Variants in ZIC2 observed in about 807,000 individuals in gnomAD.
ZIC2 encodes the protein Zic family zinc finger 2, also known as zinc finger protein ZIC 2.
In ZIC2, 7 loss-of-function variants were observed where a neutral mutation model predicts 29.5. The observed-to-expected ratio is 0.24, with a 90% confidence interval of 0.14 to 0.45. The LOEUF (loss-of-function observed/expected upper bound fraction) is 0.45, where lower values mean the gene tolerates loss of function less well. Ranked by LOEUF, ZIC2 falls within the 20% of genes least tolerant of loss-of-function variation. ZIC2 has a pLI of 1.00. For missense variants in ZIC2, 589 were observed against 781.2 expected, an observed-to-expected ratio of 0.75 and a Z score of 2.93; for synonymous variants, 408 against 354.2, an observed-to-expected ratio of 1.15 and a Z score of -1.70.
In ZIC2 at chr13:99,984,432, T is replaced by C. The variant is rs534574898; in HGVS notation, c.1076-514T>C. 3 of 197,380 alleles carry C rather than the reference T, an allele frequency of 1.5e-5. No individual in the cohort carries two copies. In the Admixed American group the frequency reaches 1.6e-4, roughly 10 times the overall value. 12.2% of individuals were successfully genotyped at this position (197,380 alleles called of 1,614,324 possible). ...GAGGTGAGACTAGAATTGTGGTTAA[T>C]TCAATTTGCAGAATTTTGGATGAAA... On this transcript the variant is annotated intron_variant, in intron 1 of 2. Transcript: ENST00000376335.
chr13:99,984,464 G>T (rs763924321), intron 1 of ZIC2: 3 of 206,718 alleles, frequency 1.5e-5, no homozygotes, highest in Non-Finnish European at 3.0e-5. Flanking sequence ...GAAAAATACT[G>T]GCTCAGTCAC....
rs746035691 is a variant in ZIC2 at position 99,984,923 on chromosome 13, G to A, written c.1076-23G>A. 4.3e-6 allele frequency: 7 copies of A among 1,613,944 alleles called. No individual in the cohort carries two copies. The South Asian group carries it at 7.7e-5, about 18-fold the overall frequency. On this transcript the variant is annotated intron_variant, in intron 1 of 2. Coordinates refer to ENST00000376335, the MANE Select transcript of ZIC2 (RefSeq NM_007129.5). ...TGCAGGCTCTGGGTGTCTGCAGCCA[G>A]CGCCGATGTTTGCCGTCCACAGGGG...
intron 1 of ZIC2, 192 bp from the exon 2 acceptor site, chr13:99,984,754 A>T (rs1430142762): frequency 1.3e-5 from 8 of 629,036 alleles, no homozygotes; most frequent in Non-Finnish European, 2.2e-5. Context: ...TACGAAATAA[A>T]TGAGCAGGAC....
chr13:99,985,117 C>T lies in ZIC2; in HGVS notation c.1239+8C>T, dbSNP rs760273107. The stretch of plus-strand genomic sequence containing the variant: ...CTGCGGAAGCACATGAAGGTACCAC[C>T]GCGGCGGCCGGGAGGAGGGCGAGGC... On this transcript the variant is annotated splice_region_variant and intron_variant, in intron 2 of 2. Coordinates refer to ENST00000376335, the MANE Select transcript of ZIC2 (RefSeq NM_007129.5). The surrounding 1 kb of genome is among the most constrained non-coding windows in gnomAD (Gnocchi z 6.3). 28 of 1,613,888 alleles carry T rather than the reference C, an allele frequency of 1.7e-5. No homozygotes were observed. Among genetic ancestry groups the T allele is most frequent in the Non-Finnish European group, 2.2e-5 (26 of 1,179,908 alleles).
chr13:99,984,579 T>G (rs1386779454), intron 1 of ZIC2: 3 of 336,122 alleles, frequency 8.9e-6, no homozygotes, highest in Non-Finnish European at 1.2e-5. Context: ...GTGATTTTGA[T>G]AATGCCCCAA....
Position 99,982,691 on chromosome 13 carries a change from A to G in ZIC2, c.627A>G (p.Gln209=), listed in dbSNP as rs766439036. 1.3e-5 allele frequency: 21 copies of G among 1,600,190 alleles called. No individual in the cohort carries two copies. Among genetic ancestry groups the G allele is most frequent in the Middle Eastern group, 1.6e-4 (1 of 6,082 alleles). ...SPRTDPYSAA[Q]LHNQYGPMNM... ...GGACCGACCCCTACTCGGCGGCGCA[A>G]CTCCACAACCAGTACGGCCCCATGA... Residue 209 remains glutamine, a synonymous_variant, in exon 1 of 3, where the codon CAA becomes CAG. Transcript: ENST00000376335.
Position 99,985,179 on chromosome 13 carries a change from C to T in ZIC2, c.1239+70C>T. The T allele has an allele frequency of 6.2e-7, 1 of 1,610,580 alleles. No homozygotes were observed. Among genetic ancestry groups the T allele is most frequent in the Non-Finnish European group, 8.5e-7 (1 of 1,178,106 alleles). On this transcript the variant is annotated intron_variant, in intron 2 of 2. Transcript: ENST00000376335. This position sits in a 1 kb window ranked among gnomAD's most constrained non-coding sequence, Gnocchi z 6.3. ...CCGGTGCAGCACTGGCCCGGACCAC[C>T]TCAGCCGGCCTGGGAGGGTCCCCAG...
Position 99,985,462 on chromosome 13 carries a change from C to T in ZIC2, c.1379C>T (p.Ala460Val). ...SSNLSPAAAA[A>V]AAAAAAAAAA... ...AACCTGTCCCCAGCGGCGGCGGCAG[C>T]GGCGGCGGCGGCTGCGGCGGCGGCG... Residue 460 changes from alanine (A) to valine (V), a missense_variant, in exon 3 of 3, where the codon GCG (alanine) becomes GTG (valine). Coordinates refer to ENST00000376335, the MANE Select transcript of ZIC2 (RefSeq NM_007129.5). This position sits in a 1 kb window ranked among gnomAD's most constrained non-coding sequence, Gnocchi z 6.3. The T allele has an allele frequency of 7.7e-7, 1 of 1,303,690 alleles. No homozygotes were observed. The highest frequency in any genetic ancestry group is 9.7e-7 in the Non-Finnish European group (1 of 1,029,638). 80.8% of individuals were successfully genotyped at this position (1,303,690 alleles called of 1,614,324 possible). A position where few individuals can be genotyped will look rare whatever the true frequency, so the allele number is the denominator to read the frequency against.
At position 99,981,846 on chromosome 13, in the gene ZIC2, C is replaced by A; in HGVS notation, c.-219C>A. The A allele has an allele frequency of 1.1e-6, 1 of 943,330 alleles. No homozygotes were observed. 58.4% of individuals were successfully genotyped at this position (943,330 alleles called of 1,614,324 possible). ...GCGCCGCCGCCTCCTCCTCCTCTTC[C>A]TCTCCGCGCCTTCGCTACGCGCCCG... On this transcript the variant is annotated 5_prime_UTR_variant, in exon 1 of 3. Transcript: ENST00000376335.
intron 1 of ZIC2, chr13:99,984,209 C>T (rs2152163212): frequency 6.6e-6 from 1 of 152,646 alleles, no homozygotes; most frequent in East Asian, 1.9e-4. Context: ...TTTGAGTTCT[C>T]GCACCTCTAA....
rs2152164243 is a variant in ZIC2 at position 99,986,064 on chromosome 13, G to A, written c.*382G>A. 4.4e-6 allele frequency: 2 copies of A among 455,622 alleles called. No homozygotes were observed. Among genetic ancestry groups the A allele is most frequent in the South Asian group, 3.1e-5 (2 of 64,338 alleles). The allele number at this position is 455,622 out of a possible 1,614,324, so 28.2% of individuals were successfully genotyped here. On this transcript the variant is annotated 3_prime_UTR_variant, in exon 3 of 3. Coordinates refer to ENST00000376335, the MANE Select transcript of ZIC2 (RefSeq NM_007129.5). The stretch of plus-strand genomic sequence containing the variant: ...GGACTCCTCCTTTCTCCTCCGAGGT[G>A]GTTTTAAAGGCTTTTTGGTGTATAG...
In ZIC2 at chr13:99,982,029, G is replaced by C. The variant is rs1458583701; in HGVS notation, c.-36G>C. 5.5e-5 allele frequency: 67 copies of C among 1,220,232 alleles called. No homozygotes were observed. Among genetic ancestry groups the C allele is most frequent in the Non-Finnish European group, 6.7e-5 (66 of 982,072 alleles). The allele number at this position is 1,220,232 out of a possible 1,614,324, so 75.6% of individuals were successfully genotyped here. A position where few individuals can be genotyped will look rare whatever the true frequency, so the allele number is the denominator to read the frequency against. On this transcript the variant is annotated 5_prime_UTR_variant, in exon 1 of 3. Coordinates refer to ENST00000376335, the MANE Select transcript of ZIC2 (RefSeq NM_007129.5). ...GAGCGGGAGTCGAGGCGGCGCGGAG[G>C]CGCAGGGCTCGCAGGGGCGGGCGGG...
Position 99,985,285 on chromosome 13 carries a change from G to T in ZIC2, c.1240-38G>T. ...CCCACAGCAGCTGCACTCACACCCAGTCCCCTCTGGTCCCCCCTCCCGGCT... is the reference window on the plus strand; with the variant it reads ...CCCACAGCAGCTGCACTCACACCCATTCCCCTCTGGTCCCCCCTCCCGGCT... On this transcript the variant is annotated intron_variant, in intron 2 of 2. Coordinates refer to ENST00000376335, the MANE Select transcript of ZIC2 (RefSeq NM_007129.5). The surrounding 1 kb of genome is among the most constrained non-coding windows in gnomAD (Gnocchi z 6.3). The T allele has an allele frequency of 3.1e-6, 5 of 1,599,480 alleles. No individual in the cohort carries two copies. Among genetic ancestry groups the T allele is most frequent in the Non-Finnish European group, 4.2e-6 (5 of 1,179,196 alleles).
rs976691555 is a variant in ZIC2, at chr13:99,982,502, G to A, written c.438G>A (p.Leu146=). ...HGLFGPGAGG[L]HHAHSDAQGH... ...TGTTCGGGCCGGGCGCGGGCGGCCT[G>A]CACCACGCGCACTCGGACGCGCAGG... Residue 146 remains leucine, a synonymous_variant, in exon 1 of 3, where the codon CTG becomes CTA. Coordinates refer to ENST00000376335, the MANE Select transcript of ZIC2 (RefSeq NM_007129.5). The A allele has an allele frequency of 4.0e-6, 6 of 1,505,020 alleles. No individual in the cohort carries two copies. The highest frequency in any genetic ancestry group is 5.3e-6 in the Non-Finnish European group (6 of 1,127,760). The allele number at this position is 1,505,020 out of a possible 1,614,324, so 93.2% of individuals were successfully genotyped here.
At position 99,982,812 on chromosome 13, in the gene ZIC2, C is replaced by G; in HGVS notation, c.748C>G (p.Gln250Glu). ...PGAFFRYMRQ[Q>E]CIKQELICKW... ...TGCCTTTTTCCGCTATATGCGGCAG[C>G]AGTGCATCAAGCAGGAGCTAATCTG... Residue 250 changes from glutamine (Q) to glutamate (E), a missense_variant, in exon 1 of 3, where the codon CAG (glutamine) becomes GAG (glutamate). Transcript: ENST00000376335. 6.2e-7 allele frequency: 1 copy of G among 1,612,312 alleles called. No homozygotes were observed. Among genetic ancestry groups the G allele is most frequent in the Non-Finnish European group, 8.5e-7 (1 of 1,180,014 alleles).
rs1363973384 is a variant in ZIC2, at chr13:99,983,637, C to A, written c.1075+498C>A. Among the ~76,000 whole-genome samples the A allele has an allele frequency of 3.9e-5, 6 of 152,076 alleles. No homozygotes were observed. Among genetic ancestry groups the A allele is most frequent in the Non-Finnish European group, 2.9e-5 (2 of 68,020 alleles). On this transcript the variant is annotated intron_variant, in intron 1 of 2. Transcript: ENST00000376335. This position sits in a 1 kb window ranked among gnomAD's most constrained non-coding sequence, Gnocchi z 4.7. Reference sequence around the variant, plus strand: ...TCCCATGAAATGAGTCTGGTGTGAGCCGAAGCTGTAATGCGTTTCTCATTT... The same window carrying A: ...TCCCATGAAATGAGTCTGGTGTGAGACGAAGCTGTAATGCGTTTCTCATTT...
At position 99,981,878 on chromosome 13, in the gene ZIC2, C is replaced by G. The variant is rs1409969855; in HGVS notation, c.-187C>G. 5.0e-6 allele frequency: 6 copies of G among 1,205,418 alleles called. No homozygotes were observed. In the East Asian group the frequency reaches 1.6e-4, roughly 31 times the overall value. 74.7% of individuals were successfully genotyped at this position (1,205,418 alleles called of 1,614,324 possible). A position where few individuals can be genotyped will look rare whatever the true frequency, so the allele number is the denominator to read the frequency against. ...CGCCTTCGCTACGCGCCCGGCCGCC[C>G]GAGGCAGATCCAGGCGGCGGCGGAG... On this transcript the variant is annotated 5_prime_UTR_variant, in exon 1 of 3. Transcript: ENST00000376335.
chr13:99,985,962 C>A lies in ZIC2; in HGVS notation c.*280C>A, dbSNP rs1594292580. On this transcript the variant is annotated 3_prime_UTR_variant, in exon 3 of 3. Coordinates refer to ENST00000376335, the MANE Select transcript of ZIC2 (RefSeq NM_007129.5). This position sits in a 1 kb window ranked among gnomAD's most constrained non-coding sequence, Gnocchi z 6.3. ...ATAAAAACCCACAAAAATGTTGAAC[C>A]AAACCTCCCTGCTAATCTCCATGCC... is the stretch of plus-strand genomic sequence containing the variant. The A allele has an allele frequency of 2.5e-6, 1 of 407,050 alleles. No homozygotes were observed. The highest frequency in any genetic ancestry group is 4.7e-6 in the Non-Finnish European group (1 of 211,146). 25.2% of individuals were successfully genotyped at this position (407,050 alleles called of 1,614,324 possible). A position where few individuals can be genotyped will look rare whatever the true frequency, so the allele number is the denominator to read the frequency against.
chr13:99,984,836 A>G (rs1363773200), intron 1 of ZIC2, 110 bp from the exon 2 acceptor site: 17 of 1,395,212 alleles, frequency 1.2e-5, no homozygotes, highest in Non-Finnish European at 1.5e-5. Flanking sequence ...TGAGGGACCC[A>G]GCCCCCTCAG....
Sources: allele counts gnomAD v4.1 joint callset (sites outside exome capture counted in the v4.1 genomes callset), GRCh38; gene constraint gnomAD v4.1.1; non-coding constraint Gnocchi (gnomAD v3.1); transcripts MANE v1.5; gene names NCBI Gene and HGNC (gene_info 2026-07-23, HGNC 2026-07-21).